GALNT9: variants seen among roughly 807,000 people sequenced by gnomAD.
GALNT9 encodes polypeptide N-acetylgalactosaminyltransferase 9, also known as GalNAc transferase 9.
A neutral mutation model predicts 63.1 loss-of-function variants in GALNT9; 47 were observed. The observed-to-expected ratio is 0.75, with a 90% CI of 0.59 to 0.95. The LOEUF is 0.95. Among genes scored for constraint, GALNT9 ranks in the 40% least tolerant of loss-of-function variants. The pLI is 0.00. For synonymous variants in GALNT9, 396 were observed against 365.7 expected (o/e 1.08, Z -0.94); for missense variants, 829 against 874.8 (o/e 0.95, Z 0.66).
intron 1 of GALNT9, among the ~76,000 whole-genome samples, chr12:132,305,382 CGGGCACATCCTCACCG>C (rs1566020009): frequency 5.5e-5 from 2 of 36,042 alleles, no homozygotes; most frequent in Admixed American, 3.0e-4. Flanking sequence ...CACCCTCACC[CGGGCACATCCTCACCG>C]GGGCACACCC....
chr12:132,208,450 G>A (rs892025960), intron 6 of GALNT9, among the ~76,000 whole-genome samples: 1 of 152,234 alleles, frequency 6.6e-6, no homozygotes, highest in Non-Finnish European at 1.5e-5. Context: ...ATCACCCTAG[G>A]CCTTCGTCAC....
Position 132,264,361 on chromosome 12 carries a change from A to C in GALNT9, c.420-1736T>G, listed in dbSNP as rs1047123139. Among the ~76,000 whole-genome samples, 5 of 152,224 alleles carry C rather than the reference A, an allele frequency of 3.3e-5. No homozygotes were observed. In the South Asian group the frequency reaches 1.0e-3, roughly 32 times the overall value. ...TGCTCTCCGCTCAGCAGCAACATGA[A>C]GAAGCCGAGCCGGGATGGCCTAAGC... On this transcript the variant is annotated intron_variant, in intron 2 of 10. Coordinates refer to ENST00000328957, the MANE Select transcript of GALNT9 (RefSeq NM_001122636.2).
rs1555246773 is a variant in GALNT9 at position 132,329,169 on chromosome 12, G to A, written c.35C>T (p.Thr12Met). The A allele has an allele frequency of 6.5e-7, 1 of 1,548,836 alleles. No individual in the cohort carries two copies. The highest frequency in any genetic ancestry group is 8.7e-7 in the Non-Finnish European group (1 of 1,146,150). Residue 12 changes from threonine (T) to methionine (M), a missense_variant, in exon 1 of 11, where the codon ACG becomes ATG. By Grantham distance (81) the Thr-to-Met change is moderately conservative. Coordinates refer to ENST00000328957, the MANE Select transcript of GALNT9 (RefSeq NM_001122636.2). ...AVARKIRTLL[T>M]VNILVFVGIV... ...GCCCACGAACACCAGGATGTTCACC[G>A]TCAGCAAAGTTCGGATCTTCCTGGC...
intron 5 of GALNT9, among the ~76,000 whole-genome samples, chr12:132,250,184 G>C (rs1457334288): frequency 5.9e-5 from 9 of 152,206 alleles, no homozygotes; most frequent in African/African-American, 2.2e-4. Context: ...AGGGAGCCAG[G>C]TGCAAGAGGT....
intron 1 of GALNT9, among the ~76,000 whole-genome samples, chr12:132,301,776 A>T (rs1488335262): frequency 3.3e-5 from 5 of 152,210 alleles, no homozygotes; most frequent in Non-Finnish European, 5.9e-5. Flanking sequence ...AGGGCAGGTG[A>T]TTTGGATGCG....
At chr12:132,255,890 C>T (rs1240588642) in intron 5 of GALNT9, among the ~76,000 whole-genome samples, 6 of 152,142 alleles carry the variant, frequency 3.9e-5, no homozygotes, top group Admixed American at 6.5e-5. Flanking sequence ...TGGAAGCCGT[C>T]CTGGAACTTC....
intron 1 of GALNT9, among the ~76,000 whole-genome samples, chr12:132,301,146 C>T (rs1182024061): frequency 6.6e-6 from 1 of 152,284 alleles, no homozygotes; most frequent in Admixed American, 6.5e-5. Flanking sequence ...CAGTGAGCCC[C>T]AGCCACACTC....
intron 2 of GALNT9, among the ~76,000 whole-genome samples, chr12:132,267,821 ACATG>A: frequency 6.7e-6 from 1 of 150,370 alleles, no homozygotes; most frequent in African/African-American, 2.5e-5. Flanking sequence ...ACGCACTCAC[ACATG>A]CAGTCACACA....
intron 6 of GALNT9, among the ~76,000 whole-genome samples, chr12:132,229,636 C>T (rs927533061): frequency 1.7e-4 from 26 of 152,196 alleles, no homozygotes; most frequent in Admixed American, 3.9e-4. Flanking sequence ...TCAGCGGGGC[C>T]GTCCCCACCC....
chr12:132,248,748 G>A lies in GALNT9; in HGVS notation c.960-721C>T, dbSNP rs534500401. On this transcript the variant is annotated intron_variant, in intron 5 of 10. Transcript: ENST00000328957. The stretch of plus-strand genomic sequence containing the variant: ...GACTGCCAGCTGTACTATACTTCCT[G>A]TAATAATTCTAAAACGTCAGCCGAC... Among the ~76,000 whole-genome samples the A allele has an allele frequency of 6.6e-5, 10 of 152,356 alleles. No homozygotes were observed. The South Asian group carries it at 1.0e-3, about 16-fold the overall frequency.
At chr12:132,270,596 T>A (rs1879828071) in intron 2 of GALNT9, among the ~76,000 whole-genome samples, 1 of 152,244 alleles carries the variant, frequency 6.6e-6, no homozygotes, top group Admixed American at 6.5e-5. Flanking sequence ...CAATTCTTTC[T>A]TTAAGAAGAA....
Position 132,293,203 on chromosome 12 carries a change from C to T in GALNT9, c.239-6773G>A, listed in dbSNP as rs561437257. On this transcript the variant is annotated intron_variant, in intron 1 of 10. Coordinates refer to ENST00000328957, the MANE Select transcript of GALNT9 (RefSeq NM_001122636.2). ...AGCTGGGAGGCTGCAGGGAAGGGGC[C>T]TCCAGGCAGCATTCACTTGACGCTT... Among the ~76,000 whole-genome samples, 6 of 152,184 alleles carry T rather than the reference C, an allele frequency of 3.9e-5. No individual in the cohort carries two copies. The South Asian group carries it at 1.2e-3, about 32-fold the overall frequency.
At chr12:132,207,933 G>A (rs78885213) in intron 6 of GALNT9, among the ~76,000 whole-genome samples, 3,135 of 152,140 alleles carry the variant, frequency 0.021, 104 homozygotes, top group African/African-American at 0.067. Flanking sequence ...GACTCCTCGC[G>A]CAAGCAGCAC....
intron 2 of GALNT9, among the ~76,000 whole-genome samples, chr12:132,266,985 A>G (rs1170875364): frequency 6.6e-6 from 1 of 152,186 alleles, no homozygotes; most frequent in African/African-American, 2.4e-5. Context: ...AAAACGTCAC[A>G]GACGCAGCCT....
chr12:132,208,461 G>A (rs1375463663), intron 6 of GALNT9, among the ~76,000 whole-genome samples: 2 of 152,256 alleles, frequency 1.3e-5, no homozygotes, highest in African/African-American at 4.8e-5. Context: ...CCTTCGTCAC[G>A]TGATTTGCTT....
At position 132,219,615 on chromosome 12, in the gene GALNT9, G is replaced by T. The variant is rs554059438; in HGVS notation, c.1078-15925C>A. On this transcript the variant is annotated intron_variant, in intron 6 of 10. Transcript: ENST00000328957. ...GCTCTGATGGACCCCTGGGGCTGCC[G>T]CCAGAAGTGTCCCATGGCGAGAGGC... Among the ~76,000 whole-genome samples the T allele has an allele frequency of 2.0e-5, 3 of 152,194 alleles. No homozygotes were observed. The East Asian group carries it at 5.8e-4, about 29-fold the overall frequency.
At chr12:132,210,819 C>T (rs527652825) in intron 6 of GALNT9, among the ~76,000 whole-genome samples, 6 of 139,080 alleles carry the variant, frequency 4.3e-5, no homozygotes, top group South Asian at 2.1e-4. Flanking sequence ...TCTGGGTGGT[C>T]GCCGTCTGGA....
At position 132,256,226 on chromosome 12, in the gene GALNT9, G is replaced by A. The variant is rs529924743; in HGVS notation, c.959+1463C>T. On this transcript the variant is annotated intron_variant, in intron 5 of 10. Transcript: ENST00000328957. ...GGCAGGCCCCTTCCCTGTGAGCCCC[G>A]ACCCTCAGCCTCCACCCAGGATGAA... Among the ~76,000 whole-genome samples, 9 of 152,018 alleles carry A rather than the reference G, an allele frequency of 5.9e-5. No homozygotes were observed. The South Asian group carries it at 1.2e-3, about 21-fold the overall frequency.
Position 132,245,118 on chromosome 12 carries a change from T to TAA in GALNT9, c.1077+2791_1077+2792insTT, listed in dbSNP as rs1878658562. Among the ~76,000 whole-genome samples, 3 of 151,872 alleles carry TAA rather than the reference T, an allele frequency of 2.0e-5. No individual in the cohort carries two copies. The highest frequency in any genetic ancestry group is 6.5e-5 in the Admixed American group (1 of 15,268). On this transcript the variant is annotated intron_variant, in intron 6 of 10. Coordinates refer to ENST00000328957, the MANE Select transcript of GALNT9 (RefSeq NM_001122636.2). This position sits in a 1 kb window ranked among gnomAD's most constrained non-coding sequence, Gnocchi z 6.3. ...GAACCCGCGGTGACACAGGCTCCCC[T>TAA]GCCCCGCGGAGGAGTCAGGCCATCA...
Sources: gnomAD v4.1 joint callset for allele counts (sites outside exome capture counted in the v4.1 genomes callset) on GRCh38, gnomAD v4.1.1 for gene constraint, Gnocchi (gnomAD v3.1) non-coding constraint, MANE v1.5 for transcripts, NCBI Gene and HGNC (gene_info 2026-07-23, HGNC 2026-07-21) for gene names.